TMEM74: variants seen among roughly 807,000 people sequenced by gnomAD.
TMEM74 encodes transmembrane protein 74.
TMEM74 carries 13 observed loss-of-function variants against 18.1 expected under a neutral mutation model. The ratio of observed to expected loss-of-function variants is 0.72; its 90% CI spans 0.47 to 1.14. The LOEUF is 1.14. Ranked by LOEUF, TMEM74 falls within the 50% of genes most tolerant of loss-of-function variation. The pLI, the probability that TMEM74 is intolerant of heterozygous loss-of-function variation, is 0.00. For missense variants in TMEM74, 372 were observed against 375.9 expected, an observed-to-expected ratio of 0.99 and a Z score of 0.09; for synonymous variants, 159 against 146.6, an observed-to-expected ratio of 1.08 and a Z score of -0.61.
chr8:108,680,857 T>C (rs1348533944), intron 1 of TMEM74, among the ~76,000 whole-genome samples: 1 of 152,126 alleles, frequency 6.6e-6, no homozygotes, highest in African/African-American at 2.4e-5. Flanking sequence ...TCACAAGCAT[T>C]CTTATACACC....
chr8:108,609,178 T>C (rs979769213), intron 2 of TMEM74, among the ~76,000 whole-genome samples: 14 of 152,166 alleles, frequency 9.2e-5, no homozygotes, highest in African/African-American at 3.1e-4. Flanking sequence ...AGGCTGAAGT[T>C]TCTCTATAGA....
chr8:108,749,338 T>C (rs186277251), intron 1 of TMEM74, among the ~76,000 whole-genome samples: 1 of 152,302 alleles, frequency 6.6e-6, no homozygotes, highest in Non-Finnish European at 1.5e-5. Flanking sequence ...TGAGCAGTGG[T>C]TTGTAGTTCT....
chr8:108,627,937 C>A (rs1812512233), intron 2 of TMEM74, among the ~76,000 whole-genome samples: 1 of 151,986 alleles, frequency 6.6e-6, no homozygotes. Context: ...TGCCTGTAAT[C>A]CCAGCTACTC....
chr8:108,733,749 G>A (rs1405040595), intron 1 of TMEM74, among the ~76,000 whole-genome samples: 1 of 152,150 alleles, frequency 6.6e-6, no homozygotes, highest in Non-Finnish European at 1.5e-5. Flanking sequence ...AAGGGAATTT[G>A]TTGAATACAG....
downstream of TMEM74, among the ~76,000 whole-genome samples, chr8:108,775,314 C>T (rs1814220071): frequency 6.6e-6 from 1 of 152,164 alleles, no homozygotes; most frequent in Non-Finnish European, 1.5e-5. Context: ...TCTATGGCCA[C>T]ATCTAAAATA....
At chr8:108,639,409 C>G (rs910544261) in intron 2 of TMEM74, among the ~76,000 whole-genome samples, 2 of 152,006 alleles carry the variant, frequency 1.3e-5, no homozygotes, top group Non-Finnish European at 2.9e-5. Flanking sequence ...AGTTGTTCAA[C>G]CTAGAAATTG....
In TMEM74 at chr8:108,784,298, A is replaced by C; in HGVS notation, c.801T>G (p.Ser267=). ...GELYRRNRFA[S]SKESAKLYGS... ...CATAGAGTTTTGCAGACTCTTTGGA[A>C]GAGGCAAATCTGTTTCGACGATAGA... Residue 267 remains serine (S), a synonymous_variant, in exon 2 of 2, where the codon TCT becomes TCG. Transcript: ENST00000297459. 2 of 1,614,072 alleles carry C rather than the reference A, an allele frequency of 1.2e-6. No individual in the cohort carries two copies. Among genetic ancestry groups the C allele is most frequent in the Non-Finnish European group, 1.7e-6 (2 of 1,180,026 alleles).
At chr8:108,721,743 C>A (rs945437739) in intron 1 of TMEM74, among the ~76,000 whole-genome samples, 2 of 152,136 alleles carry the variant, frequency 1.3e-5, no homozygotes, top group Non-Finnish European at 2.9e-5. Context: ...TCTTGTTCAC[C>A]GCTGTATCCC....
chr8:108,661,378 CTTTTTTTT>C (rs760545466), intron 1 of TMEM74, among the ~76,000 whole-genome samples: 9 of 86,726 alleles, frequency 1.0e-4, no homozygotes, highest in Admixed American at 5.8e-4. Context: ...CCTTGCAGCT[CTTTTTTTT>C]TTTTTTTTTT....
At chr8:108,733,248 A>G (rs1357956039) in intron 1 of TMEM74, among the ~76,000 whole-genome samples, 2 of 152,216 alleles carry the variant, frequency 1.3e-5, no homozygotes, top group African/African-American at 2.4e-5. Context: ...GGAACAACCC[A>G]AGGTATCTAT....
chr8:108,681,398 C>T (rs376293796), intron 1 of TMEM74, among the ~76,000 whole-genome samples: 1 of 151,846 alleles, frequency 6.6e-6, no homozygotes, highest in Admixed American at 6.6e-5. Context: ...ACAAACCTGA[C>T]AAAAACAAGC....
intron 1 of TMEM74, among the ~76,000 whole-genome samples, chr8:108,745,977 C>G (rs1047152257): frequency 6.6e-6 from 1 of 152,098 alleles, no homozygotes; most frequent in Non-Finnish European, 1.5e-5. Flanking sequence ...TCACACGCAC[C>G]CCCTTAGAGT....
intron 1 of TMEM74, among the ~76,000 whole-genome samples, chr8:108,752,043 TTGAATGAATGAA>T (rs4034229): frequency 7.9e-5 from 12 of 151,218 alleles, no homozygotes; most frequent in Non-Finnish European, 1.6e-4. Flanking sequence ...ATTAATGTTG[TTGAATGAATGAA>T]TGAATGAATG....
intron 1 of TMEM74, among the ~76,000 whole-genome samples, chr8:108,785,393 T>C (rs1814372791): frequency 6.6e-6 from 1 of 152,114 alleles, no homozygotes; most frequent in African/African-American, 2.4e-5. Context: ...AGTGGCAGTG[T>C]CTACTGAGAA....
intron 2 of TMEM74, among the ~76,000 whole-genome samples, chr8:108,628,962 G>A (rs1812523313): frequency 6.6e-6 from 1 of 151,612 alleles, no homozygotes; most frequent in Admixed American, 6.6e-5. Context: ...AATATCCTTT[G>A]CCCACTTTTT....
intron 2 of TMEM74, among the ~76,000 whole-genome samples, chr8:108,639,151 C>T (rs1052141192): frequency 6.6e-6 from 1 of 152,016 alleles, no homozygotes; most frequent in African/African-American, 2.4e-5. Flanking sequence ...CAAGCCCAGC[C>T]CATCTCAGAT....
intron 1 of TMEM74, among the ~76,000 whole-genome samples, chr8:108,753,538 T>G (rs1426252963): frequency 1.3e-5 from 2 of 152,140 alleles, no homozygotes; most frequent in Non-Finnish European, 1.5e-5. Context: ...TGAAATAATT[T>G]CCTTATTTTA....
chr8:108,785,824 G>C (rs866583027), intron 1 of TMEM74, among the ~76,000 whole-genome samples: 4 of 152,170 alleles, frequency 2.6e-5, no homozygotes, highest in Non-Finnish European at 5.9e-5. Context: ...ACCATATGCT[G>C]CTTATTCACT....
At chr8:108,618,576 G>A (rs552301614) in intron 2 of TMEM74, among the ~76,000 whole-genome samples, 2 of 152,158 alleles carry the variant, frequency 1.3e-5, no homozygotes, top group East Asian at 1.9e-4. Context: ...GAGTACTTCC[G>A]TAAAGGTTTG....
Sources: gnomAD v4.1 joint callset for allele counts (sites outside exome capture counted in the v4.1 genomes callset) on GRCh38, gnomAD v4.1.1 for gene constraint, MANE v1.5 for transcripts, NCBI Gene and HGNC (gene_info 2026-07-23, HGNC 2026-07-21) for gene names.